TJP1: variants seen among roughly 807,000 people sequenced by gnomAD.
TJP1 encodes tight junction protein ZO-1.
TJP1 carries 43 observed loss-of-function variants against 194.2 expected under a neutral mutation model. The observed-to-expected ratio is 0.22, with a 90% CI of 0.17 to 0.29. The LOEUF is 0.29. Among genes scored for constraint, TJP1 ranks in the 10% least tolerant of loss-of-function variants. The pLI, the probability that TJP1 is intolerant of heterozygous loss-of-function variation, is 1.00. For synonymous variants in TJP1, 801 were observed against 779.0 expected, an observed-to-expected ratio of 1.03 and a Z score of -0.47; for missense variants, 1,971 against 2,185.7, an observed-to-expected ratio of 0.90 and a Z score of 1.96.
chr15:29,772,721 T>A (rs533265742), intron 3 of TJP1, among the ~76,000 whole-genome samples: 1 of 152,176 alleles, frequency 6.6e-6, no homozygotes, highest in South Asian at 2.1e-4. Flanking sequence ...CACATTCTAT[T>A]TAAAGTGAGT....
At chr15:29,712,116 T>C (rs2151055419) in intron 23 of TJP1, among the ~76,000 whole-genome samples, 1 of 152,348 alleles carries the variant, frequency 6.6e-6, no homozygotes, top group South Asian at 2.1e-4. Flanking sequence ...ATCTAAACCT[T>C]ACTGCTGAAT....
At chr15:29,890,553 G>A (rs1424030660) in intron 2 of TJP1, among the ~76,000 whole-genome samples, 1 of 152,138 alleles carries the variant, frequency 6.6e-6, no homozygotes, top group East Asian at 1.9e-4. Flanking sequence ...AATGTTTCTC[G>A]GTTTTCTGAA....
intron 1 of TJP1, among the ~76,000 whole-genome samples, chr15:29,810,290 T>C (rs2049401958): frequency 6.6e-6 from 1 of 152,224 alleles, no homozygotes; most frequent in South Asian, 2.1e-4. Context: ...ATGTGGGAAT[T>C]CATTATATTC....
At chr15:29,844,437 A>C (rs1260491942) in intron 2 of TJP1, among the ~76,000 whole-genome samples, 2 of 152,176 alleles carry the variant, frequency 1.3e-5, no homozygotes, top group Non-Finnish European at 2.9e-5. Flanking sequence ...GGGTGGACAC[A>C]GGCCAGTGAG....
chr15:29,929,943 T>C (rs1014503456), intron 2 of TJP1, among the ~76,000 whole-genome samples: 8 of 152,054 alleles, frequency 5.3e-5, no homozygotes, highest in African/African-American at 1.9e-4. Flanking sequence ...TGAAAAAGAA[T>C]ACTATGAACA....
chr15:29,880,273 A>C (rs2052878803), intron 2 of TJP1, among the ~76,000 whole-genome samples: 1 of 152,194 alleles, frequency 6.6e-6, no homozygotes, highest in African/African-American at 2.4e-5. Context: ...AGTTTATTAA[A>C]ATTTAAACAG....
At chr15:29,809,745 C>A (rs967316506) in intron 1 of TJP1, among the ~76,000 whole-genome samples, 18 of 151,990 alleles carry the variant, frequency 1.2e-4, no homozygotes, top group African/African-American at 4.4e-4. Flanking sequence ...ACTCAGGAGG[C>A]TGAGGCAGGA....
chr15:29,788,708 T>C (rs1156265081), intron 2 of TJP1, among the ~76,000 whole-genome samples: 1 of 152,212 alleles, frequency 6.6e-6, no homozygotes, highest in Non-Finnish European at 1.5e-5. Context: ...TACTTTAGTA[T>C]ACAAATATTT....
intron 25 of TJP1, 46 bp downstream of exon 25, chr15:29,708,513 A>T: frequency 6.8e-7 from 1 of 1,461,670 alleles, no homozygotes. Context: ...AACTCACATG[A>T]GAAAAATCAC....
intron 1 of TJP1, among the ~76,000 whole-genome samples, chr15:29,960,461 C>T (rs934998661): frequency 6.8e-6 from 1 of 147,824 alleles, no homozygotes; most frequent in Admixed American, 6.9e-5. Flanking sequence ...AGAGAGATCC[C>T]GTCTCTACAA....
At chr15:29,730,100 T>G (rs184607029) in intron 15 of TJP1, among the ~76,000 whole-genome samples, 82 of 152,220 alleles carry the variant, frequency 5.4e-4, no homozygotes, top group East Asian at 3.3e-3. Flanking sequence ...AATATGCCAT[T>G]ACCTATGAAA....
intron 8 of TJP1, among the ~76,000 whole-genome samples, chr15:29,758,156 C>A (rs1450276550): frequency 6.6e-6 from 1 of 152,128 alleles, no homozygotes; most frequent in Non-Finnish European, 1.5e-5. Context: ...TTCCACTCAA[C>A]AGTAGGCTAT....
At chr15:29,873,448 A>G (rs2052594335) in intron 2 of TJP1, among the ~76,000 whole-genome samples, 1 of 152,008 alleles carries the variant, frequency 6.6e-6, no homozygotes, top group South Asian at 2.1e-4. Context: ...TGCGGTCCCT[A>G]CTCCCAGGGA....
chr15:29,766,925 A>G (rs2046366179), intron 4 of TJP1, among the ~76,000 whole-genome samples: 1 of 152,216 alleles, frequency 6.6e-6, no homozygotes, highest in Non-Finnish European at 1.5e-5. Context: ...CCAAAACCAC[A>G]GCAAACTTCC....
chr15:29,935,637 C>T (rs2054858371), intron 2 of TJP1, among the ~76,000 whole-genome samples: 1 of 152,154 alleles, frequency 6.6e-6, no homozygotes, highest in Non-Finnish European at 1.5e-5. Context: ...TTTCTCACCA[C>T]AGTTCCCCTG....
intron 2 of TJP1, among the ~76,000 whole-genome samples, chr15:29,829,895 G>C (rs904813995): frequency 1.3e-4 from 19 of 151,758 alleles, no homozygotes; most frequent in Middle Eastern, 6.8e-3. Flanking sequence ...GGAAAACTAA[G>C]AACAAGTAAT....
At chr15:29,747,895 G>A (rs1386778922) in intron 8 of TJP1, among the ~76,000 whole-genome samples, 1 of 152,092 alleles carries the variant, frequency 6.6e-6, no homozygotes, top group Non-Finnish European at 1.5e-5. Context: ...TTTGTCCTGT[G>A]ATACAATCAT....
chr15:29,936,490 C>T (rs972842110), intron 2 of TJP1, among the ~76,000 whole-genome samples: 1 of 152,294 alleles, frequency 6.6e-6, no homozygotes, highest in Middle Eastern at 3.4e-3. Flanking sequence ...AGCCTTTGGG[C>T]TTCCTGTGTC....
At chr15:29,832,629 G>A (rs1454946758) in intron 2 of TJP1, among the ~76,000 whole-genome samples, 1 of 152,112 alleles carries the variant, frequency 6.6e-6, no homozygotes, top group African/African-American at 2.4e-5. Flanking sequence ...ACTAGAAAAT[G>A]GTATATATGG....
Sources: gnomAD v4.1 joint callset for allele counts (sites outside exome capture counted in the v4.1 genomes callset) on GRCh38, gnomAD v4.1.1 for gene constraint, MANE v1.5 for transcripts, NCBI Gene and HGNC (gene_info 2026-07-23, HGNC 2026-07-21) for gene names.